The following PDZD2 variants were observed in gnomAD, a reference collection of about 807,000 sequenced individuals.
The protein encoded by PDZD2 is PDZ domain-containing protein 2.
A neutral mutation model predicts 220.7 loss-of-function variants in PDZD2; 90 were observed. The observed-to-expected ratio is 0.41, with a 90% CI of 0.34 to 0.49. The LOEUF (loss-of-function observed/expected upper bound fraction) is 0.49, where lower values mean the gene tolerates loss of function less well. Ranked by LOEUF, PDZD2 falls within the 20% of genes least tolerant of loss-of-function variation. PDZD2 has a pLI of 0.28. For synonymous variants in PDZD2, 1,375 were observed against 1,450.5 expected (o/e 0.95, Z 1.18); for missense variants, 3,174 against 3,608.5 (o/e 0.88, Z 3.08).
Position 32,083,311 on chromosome 5 carries a change from C to T in PDZD2, c.3683-3820C>T, listed in dbSNP as rs1180048069. The T allele has an allele frequency of 6.6e-6, 1 of 152,186 alleles. No individual in the cohort carries two copies. Among genetic ancestry groups the T allele is most frequent in the African/African-American group, 2.4e-5 (1 of 41,444 alleles). The allele number at this position is 152,186 out of a possible 1,614,324, so 9.4% of individuals were successfully genotyped here. Reference sequence around the variant, plus strand: ...GCCTGCTGGCATCAGTAAGACTGCTCCTCAGCCCATGGGCCTGACCTAGCA... The same window carrying T: ...GCCTGCTGGCATCAGTAAGACTGCTTCTCAGCCCATGGGCCTGACCTAGCA... On this transcript the variant is annotated intron_variant, in intron 19 of 24. Coordinates refer to ENST00000438447, the MANE Select transcript of PDZD2 (RefSeq NM_178140.4). This position sits in a 1 kb window ranked among gnomAD's most constrained non-coding sequence, Gnocchi z 4.1.
At chr5:31,964,546 G>T (rs1748543723) in intron 2 of PDZD2, among the ~76,000 whole-genome samples, 1 of 152,032 alleles carries the variant, frequency 6.6e-6, no homozygotes, top group African/African-American at 2.4e-5. Context: ...CTTTGTGGAT[G>T]CCTTTCATCC....
intron 1 of PDZD2, among the ~76,000 whole-genome samples, chr5:31,697,531 C>A (rs955557814): frequency 3.3e-5 from 5 of 152,202 alleles, no homozygotes; most frequent in African/African-American, 1.2e-4. Context: ...CACCTGGAAT[C>A]TTGCCCCTGG....
chr5:32,107,782 G>A (rs187245960), intron 24 of PDZD2, among the ~76,000 whole-genome samples, 187 bp from the exon 25 acceptor site: 9 of 152,284 alleles, frequency 5.9e-5, no homozygotes, highest in Admixed American at 5.9e-4. Flanking sequence ...GAGGGCTAGA[G>A]TTGCACTGTT....
chr5:31,863,005 G>A lies in PDZD2; in HGVS notation c.476+63281G>A, dbSNP rs112587390. Among the ~76,000 whole-genome samples the A allele has an allele frequency of 7.8e-4, 118 of 151,920 alleles. 2 individuals are homozygous for A. Among genetic ancestry groups the A allele is most frequent in the Middle Eastern group, 3.4e-3 (1 of 290 alleles). On this transcript the variant is annotated intron_variant, in intron 2 of 24. Coordinates refer to ENST00000438447, the MANE Select transcript of PDZD2 (RefSeq NM_178140.4). ...GCCTCCCAAGGCGTGGCAATCCCAC[G>A]CCTGCTGGGATTACAGGCGTGAGCC...
intron 19 of PDZD2, among the ~76,000 whole-genome samples, chr5:32,078,631 CA>C (rs35916920): frequency 0.63 from 77,444 of 122,272 alleles, 24,947 homozygotes; most frequent in South Asian, 0.78. Flanking sequence ...AACTGTGTCT[CA>C]AAAATTAAAA....
At chr5:32,075,268 C>T (rs894208459) in intron 18 of PDZD2, among the ~76,000 whole-genome samples, 3 of 152,288 alleles carry the variant, frequency 2.0e-5, no homozygotes, top group Admixed American at 1.3e-4. Flanking sequence ...GCATGAGCTC[C>T]ACTGCTGACT....
At chr5:32,064,059 A>G (rs1739957060) in intron 14 of PDZD2, among the ~76,000 whole-genome samples, 2 of 152,118 alleles carry the variant, frequency 1.3e-5, no homozygotes, top group African/African-American at 2.4e-5. Context: ...GTTGCAGATA[A>G]TCATGGTCCC....
At chr5:31,678,827 G>A (rs986959952) in intron 1 of PDZD2, among the ~76,000 whole-genome samples, 6 of 151,966 alleles carry the variant, frequency 3.9e-5, no homozygotes, top group Non-Finnish European at 7.4e-5. Context: ...GGCTGGTCTT[G>A]AACTCCTAGC....
intron 2 of PDZD2, among the ~76,000 whole-genome samples, chr5:31,812,650 G>A (rs534686686): frequency 6.6e-6 from 1 of 152,250 alleles, no homozygotes; most frequent in East Asian, 1.9e-4. Flanking sequence ...AGTTTATGTA[G>A]GCTCACCTGA....
At chr5:32,039,656 G>T (rs1370103628) in intron 7 of PDZD2, among the ~76,000 whole-genome samples, 1 of 150,472 alleles carries the variant, frequency 6.6e-6, no homozygotes, top group Admixed American at 6.6e-5. Context: ...TGTCTAGGAA[G>T]TGAGCCTCTG....
Position 31,706,952 on chromosome 5 carries a change from C to G in PDZD2, c.-361+67515C>G, listed in dbSNP as rs549387524. Among the ~76,000 whole-genome samples, 7 of 151,920 alleles carry G rather than the reference C, an allele frequency of 4.6e-5. No individual in the cohort carries two copies. The East Asian group carries it at 9.7e-4, about 21-fold the overall frequency. On this transcript the variant is annotated intron_variant, in intron 1 of 24. Coordinates refer to ENST00000438447, the MANE Select transcript of PDZD2 (RefSeq NM_178140.4). ...ACAAATTCATGTGTTGAAGCCTTAA[C>G]CCCCAGCATGACCATGTTTGGAGGT...
At chr5:31,846,128 TTTGG>T (rs1247525493) in intron 2 of PDZD2, among the ~76,000 whole-genome samples, 1 of 152,028 alleles carries the variant, frequency 6.6e-6, no homozygotes, top group Admixed American at 6.6e-5. Flanking sequence ...ATTTTGTTTG[TTTGG>T]TTGGTTGGTT....
chr5:31,784,892 G>A (rs1438598628), intron 1 of PDZD2, among the ~76,000 whole-genome samples: 1 of 151,922 alleles, frequency 6.6e-6, no homozygotes, highest in Non-Finnish European at 1.5e-5. Context: ...GGGCGACACA[G>A]CGAGATGCCG....
intron 1 of PDZD2, among the ~76,000 whole-genome samples, chr5:31,678,623 T>A (rs1038033440): frequency 1.4e-4 from 21 of 152,168 alleles, no homozygotes; most frequent in African/African-American, 3.1e-4. Flanking sequence ...TTAATTAATT[T>A]ATTTATTTAT....
rs145699471 is a variant in PDZD2 at position 32,089,695 on chromosome 5, C to A, written c.6247C>A (p.Arg2083Ser). ...AGGAGGCAACATAATGGCCAGCGATCGCCTCGAAAGAACAAACCAGCTGAA... is the reference window on the plus strand; with the variant it reads ...AGGAGGCAACATAATGGCCAGCGATAGCCTCGAAAGAACAAACCAGCTGAA... ...EKGGNIMASDRLERTNQLKIV... is the reference protein window; with the variant it reads ...EKGGNIMASDSLERTNQLKIV... The change falls in exon 20 of 25, where the codon CGC becomes AGC. Residue 2083 changes from arginine to serine, a missense_variant. This residue lies in a region of PDZD2 where 1,861 missense variants were observed against 2,001.0 expected (regional missense o/e 0.93). Coordinates refer to ENST00000438447, the MANE Select transcript of PDZD2 (RefSeq NM_178140.4). The A allele has an allele frequency of 2.5e-6, 4 of 1,614,168 alleles. No homozygotes were observed. The highest frequency in any genetic ancestry group is 1.7e-6 in the Non-Finnish European group (2 of 1,180,036).
At chr5:31,966,528 G>C (rs1011731598) in intron 2 of PDZD2, among the ~76,000 whole-genome samples, 3 of 152,170 alleles carry the variant, frequency 2.0e-5, no homozygotes, top group Non-Finnish European at 2.9e-5. Context: ...GGGTCGCAGA[G>C]AGATTGAACC....
intron 5 of PDZD2, among the ~76,000 whole-genome samples, chr5:32,007,957 A>C (rs2112064871): frequency 6.6e-6 from 1 of 152,144 alleles, no homozygotes; most frequent in Admixed American, 6.6e-5. Context: ...ATAAGATCAA[A>C]GGGCTGTGTG....
intron 1 of PDZD2, among the ~76,000 whole-genome samples, chr5:31,778,547 A>G (rs1580737830): frequency 6.6e-6 from 1 of 152,056 alleles, no homozygotes; most frequent in Non-Finnish European, 1.5e-5. Context: ...GAGCTGTAAC[A>G]CTCACCATGA....
intron 2 of PDZD2, among the ~76,000 whole-genome samples, chr5:31,974,342 T>A (rs1160889509): frequency 6.7e-6 from 1 of 149,938 alleles, no homozygotes; most frequent in African/African-American, 2.4e-5. Flanking sequence ...TGAGATCTTG[T>A]CTCACAAAAA....
Sources: allele counts gnomAD v4.1 joint callset (sites outside exome capture counted in the v4.1 genomes callset), GRCh38; gene constraint gnomAD v4.1.1; regional missense constraint gnomAD v4.1.1; non-coding constraint Gnocchi (gnomAD v3.1); transcripts MANE v1.5; gene names NCBI Gene and HGNC (gene_info 2026-07-23, HGNC 2026-07-21).